The following ARSB variants were observed in gnomAD, a reference collection of about 807,000 sequenced individuals.
ARSB encodes the protein N-acetylgalactosamine-4-sulfatase.
In ARSB, 41 loss-of-function variants were observed where a neutral mutation model predicts 50.9. The ratio of observed to expected loss-of-function variants is 0.81; its 90% CI spans 0.63 to 1.04. The LOEUF (loss-of-function observed/expected upper bound fraction) is 1.04, where lower values mean the gene tolerates loss of function less well. Ranked by LOEUF, ARSB falls within the 50% of genes least tolerant of loss-of-function variation. ARSB has a pLI of 0.00. For missense variants in ARSB, 672 were observed against 693.3 expected (o/e 0.97, Z 0.35); for synonymous variants, 269 against 284.8 (o/e 0.94, Z 0.56).
chr5:78,796,909 G>A lies in ARSB; in HGVS notation c.1214-14935C>T, dbSNP rs1469252706. Among the ~76,000 whole-genome samples the A allele has an allele frequency of 4.4e-4, 55 of 124,010 alleles. 2 individuals carry two copies. Among genetic ancestry groups the A allele is most frequent in the African/African-American group, 1.7e-3 (51 of 30,054 alleles). The allele number at this position is 124,010 out of a possible 152,430, so 81.4% of individuals were successfully genotyped here. On this transcript the variant is annotated intron_variant, in intron 6 of 7. Transcript: ENST00000264914. Reference sequence around the variant, plus strand: ...TTTTTTTTTTTTGAGACAGAGTCTCGCTCTGTCGCCCAGGCTGGAGTGCAG... The same window carrying A: ...TTTTTTTTTTTTGAGACAGAGTCTCACTCTGTCGCCCAGGCTGGAGTGCAG...
chr5:78,807,289 G>A (rs547806270), intron 6 of ARSB, among the ~76,000 whole-genome samples: 107 of 152,326 alleles, frequency 7.0e-4, no homozygotes, highest in African/African-American at 2.5e-3. Flanking sequence ...GTTGGTTGGT[G>A]GTCCCCAAGC....
rs1272986667 is a variant in ARSB at position 78,851,012 on chromosome 5, T to C, written c.1143-11586A>G. On this transcript the variant is annotated intron_variant, in intron 5 of 7. Coordinates refer to ENST00000264914, the MANE Select transcript of ARSB (RefSeq NM_000046.5). ...TTGTTGATCTTTTCAAAAAACCAGC[T>C]CCTGGATTCATTAATTTTTTGAAGG... Among the ~76,000 whole-genome samples the C allele has an allele frequency of 3.3e-5, 5 of 152,338 alleles. No homozygotes were observed. The East Asian group carries it at 9.6e-4, about 29-fold the overall frequency.
chr5:78,844,739 C>CT (rs1189791562), intron 5 of ARSB, among the ~76,000 whole-genome samples: 1 of 151,908 alleles, frequency 6.6e-6, no homozygotes, highest in African/African-American at 2.4e-5. Context: ...TCATTATCTT[C>CT]TTTTTTTATT....
rs775162579 is a variant in ARSB at position 78,818,598 on chromosome 5, C to CTTTTTTT, written c.1213+20751_1213+20757dup. On this transcript the variant is annotated intron_variant, in intron 6 of 7. Coordinates refer to ENST00000264914, the MANE Select transcript of ARSB (RefSeq NM_000046.5). ...TGGAAAGAACCCATAAAATAAAGCT[C>CTTTTTTT]TTTTTTTTTTTTTTTTTTTTTTTTT... Among the ~76,000 whole-genome samples the CTTTTTTT allele has an allele frequency of 1.2e-3, 87 of 74,184 alleles. 4 individuals are homozygous for CTTTTTTT. Among genetic ancestry groups the CTTTTTTT allele is most frequent in the East Asian group, 2.6e-3 (5 of 1,960 alleles). 48.7% of individuals were successfully genotyped at this position (74,184 alleles called of 152,430 possible).
chr5:78,850,564 C>T (rs1327061798), intron 5 of ARSB, among the ~76,000 whole-genome samples: 2 of 152,088 alleles, frequency 1.3e-5, no homozygotes, highest in Non-Finnish European at 2.9e-5. Flanking sequence ...CAGGATGATG[C>T]TGGACTCATA....
In ARSB at chr5:78,871,609, C is replaced by G. The variant is rs546747280; in HGVS notation, c.1142+13975G>C. 4.1e-5 allele frequency among the ~76,000 whole-genome samples: 6 copies of G among 145,254 alleles called. No individual in the cohort carries two copies. In the East Asian group the frequency reaches 1.2e-3, roughly 28 times the overall value. On this transcript the variant is annotated intron_variant, in intron 5 of 7. Transcript: ENST00000264914. The stretch of plus-strand genomic sequence containing the variant: ...AAATGGTGCTGGGAAAACTGGCTAG[C>G]CATATGTAGAAAGCTGAAACTGGAT...
At chr5:78,913,963 A>ATTTT (rs200423948) in intron 4 of ARSB, among the ~76,000 whole-genome samples, 10 of 138,192 alleles carry the variant, frequency 7.2e-5, no homozygotes, top group Admixed American at 1.5e-4. Flanking sequence ...CAATACCATG[A>ATTTT]TTTTTTTTTT....
intron 5 of ARSB, among the ~76,000 whole-genome samples, chr5:78,863,441 G>C (rs1746549730): frequency 1.3e-5 from 2 of 152,106 alleles, no homozygotes; most frequent in South Asian, 4.1e-4. Context: ...AAAAGGACGA[G>C]TTCATGTCCT....
At chr5:78,811,826 T>G (rs548716636) in intron 6 of ARSB, among the ~76,000 whole-genome samples, 1 of 152,348 alleles carries the variant, frequency 6.6e-6, no homozygotes, top group Non-Finnish European at 1.5e-5. Flanking sequence ...CCTTCCCATA[T>G]TTTTTCCCTA....
chr5:78,976,878 C>T (rs923490535), intron 1 of ARSB, among the ~76,000 whole-genome samples: 8 of 152,172 alleles, frequency 5.3e-5, no homozygotes, highest in African/African-American at 1.9e-4. Flanking sequence ...TCCTCTAGCT[C>T]TTGGCCTGCC....
chr5:78,900,866 G>C (rs13159135), intron 4 of ARSB, among the ~76,000 whole-genome samples: 52,496 of 151,628 alleles, frequency 0.35, 11,051 homozygotes, highest in Non-Finnish European at 0.44. Flanking sequence ...AGTGAAGCCC[G>C]TCTCTACTAA....
At chr5:78,796,036 C>A (rs546584141) in intron 6 of ARSB, among the ~76,000 whole-genome samples, 1 of 152,262 alleles carries the variant, frequency 6.6e-6, no homozygotes, top group African/African-American at 2.4e-5. Context: ...TGACATCAGC[C>A]AGCAGTGTTG....
At chr5:78,916,289 A>T (rs1014841981) in intron 4 of ARSB, among the ~76,000 whole-genome samples, 4 of 152,246 alleles carry the variant, frequency 2.6e-5, no homozygotes, top group African/African-American at 7.2e-5. Flanking sequence ...CTACGGAAAG[A>T]AAGAGAAAAA....
At chr5:78,791,936 T>C (rs1448912145) in intron 6 of ARSB, among the ~76,000 whole-genome samples, 1 of 151,974 alleles carries the variant, frequency 6.6e-6, no homozygotes, top group Admixed American at 6.6e-5. Flanking sequence ...GCCAGGCGTG[T>C]CCAATCTTCT....
chr5:78,968,416 C>T (rs554047696), intron 2 of ARSB, among the ~76,000 whole-genome samples: 53 of 151,248 alleles, frequency 3.5e-4, no homozygotes, highest in Admixed American at 2.8e-3. Flanking sequence ...GGCATGATCT[C>T]GGCTCACTGC....
intron 3 of ARSB, among the ~76,000 whole-genome samples, chr5:78,958,436 A>G (rs117131699): frequency 6.6e-6 from 1 of 151,294 alleles, no homozygotes; most frequent in Non-Finnish European, 1.5e-5. Context: ...ATGACCAGGG[A>G]AAAAAAGATT....
chr5:78,878,218 A>G (rs1337717557), intron 5 of ARSB, among the ~76,000 whole-genome samples: 1 of 152,216 alleles, frequency 6.6e-6, no homozygotes, highest in East Asian at 1.9e-4. Flanking sequence ...AATTTTTGAG[A>G]AGCTTTTCTT....
intron 5 of ARSB, among the ~76,000 whole-genome samples, chr5:78,874,980 GT>G (rs2112169671): frequency 6.6e-6 from 1 of 152,236 alleles, no homozygotes; most frequent in South Asian, 2.1e-4. Context: ...GGTTATAGCA[GT>G]ACATGCCTGT....
At chr5:78,982,713 A>G (rs1253721127) in intron 1 of ARSB, among the ~76,000 whole-genome samples, 2 of 152,246 alleles carry the variant, frequency 1.3e-5, no homozygotes, top group Non-Finnish European at 2.9e-5. Flanking sequence ...AGCATATAGT[A>G]TCTGACGGAG....
Sources: allele counts gnomAD v4.1 joint callset (sites outside exome capture counted in the v4.1 genomes callset), GRCh38; gene constraint gnomAD v4.1.1; transcripts MANE v1.5; gene names NCBI Gene and HGNC (gene_info 2026-07-23, HGNC 2026-07-21).